The following TDRD9 variants were observed in gnomAD, a reference collection of about 807,000 sequenced individuals.
TDRD9 encodes ATP-dependent RNA helicase TDRD9.
TDRD9 carries 124 observed loss-of-function variants against 172.6 expected under a neutral mutation model. That is an observed-to-expected ratio of 0.72 (90% CI 0.62 to 0.83). The LOEUF is 0.83. Among genes scored for constraint, TDRD9 ranks in the 40% least tolerant of loss-of-function variants. The pLI, the probability that TDRD9 is intolerant of heterozygous loss-of-function variation, is 0.00. For missense variants in TDRD9, 1,479 were observed against 1,714.1 expected, an observed-to-expected ratio of 0.86 and a Z score of 2.42; for synonymous variants, 619 against 617.1, an observed-to-expected ratio of 1.00 and a Z score of -0.05.
At chr14:104,006,907 A>G in intron 18 of TDRD9, 62 bp downstream of exon 18, 1 of 1,395,738 alleles carries the variant, frequency 7.2e-7, no homozygotes, top group East Asian at 2.3e-5. Flanking sequence ...ACATTTTCAT[A>G]CCACAAACAT....
chr14:104,047,050 G>T (rs11160783), intron 34 of TDRD9, among the ~76,000 whole-genome samples: 1 of 151,992 alleles, frequency 6.6e-6, no homozygotes, highest in Non-Finnish European at 1.5e-5. Context: ...TGGAATTGTG[G>T]TAGGGATTGT....
chr14:104,008,513 T>C, intron 20 of TDRD9, 47 bp downstream of exon 20: 1 of 1,205,454 alleles, frequency 8.3e-7, no homozygotes, highest in Non-Finnish European at 1.2e-6. Flanking sequence ...AGTTGACTTA[T>C]GAAATATTTA....
chr14:103,985,062 T>A (rs955652367), intron 7 of TDRD9, among the ~76,000 whole-genome samples: 1 of 152,208 alleles, frequency 6.6e-6, no homozygotes, highest in Non-Finnish European at 1.5e-5. Context: ...ATTTACCCAA[T>A]ACCTGTACCC....
Position 104,036,851 on chromosome 14 carries a change from A to C in TDRD9, c.3716+1795A>C, listed in dbSNP as rs528952443. 7.3e-4 allele frequency among the ~76,000 whole-genome samples: 111 copies of C among 152,330 alleles called. 2 individuals are homozygous for C. In the South Asian group the frequency reaches 0.013, roughly 18 times the overall value. On this transcript the variant is annotated intron_variant, in intron 32 of 35. Transcript: ENST00000409874. ...TTTATGTGACAGTGTGCGTAAGACT[A>C]GTTGTCTTTGAATCCACAGGCTTAA...
chr14:104,035,081 G>A (rs982779197), intron 32 of TDRD9, 25 bp downstream of exon 32: 108 of 1,537,050 alleles, frequency 7.0e-5, no homozygotes, highest in Non-Finnish European at 9.2e-5. Context: ...CTTGTCTATA[G>A]GCTTTGTAAA....
At chr14:104,041,520 AACTC>A (rs1287499710) in intron 33 of TDRD9, among the ~76,000 whole-genome samples, 2 of 152,242 alleles carry the variant, frequency 1.3e-5, no homozygotes, top group Non-Finnish European at 2.9e-5. Context: ...GCACTCTTAA[AACTC>A]AATTATAAGA....
chr14:103,998,803 T>C (rs1367802934), intron 13 of TDRD9, 75 bp downstream of exon 13: 3 of 792,672 alleles, frequency 3.8e-6, no homozygotes, highest in East Asian at 2.5e-5. Context: ...TTTTTTTTTT[T>C]TTTCTCTGAG....
At chr14:104,019,056 T>C (rs1172534361) in intron 23 of TDRD9, among the ~76,000 whole-genome samples, 1 of 152,238 alleles carries the variant, frequency 6.6e-6, no homozygotes, top group East Asian at 1.9e-4. Flanking sequence ...GAGAATTAAT[T>C]AAACTTGTAG....
chr14:103,964,051 G>A (rs1482411225), intron 3 of TDRD9, among the ~76,000 whole-genome samples: 4 of 152,114 alleles, frequency 2.6e-5, no homozygotes, highest in African/African-American at 9.7e-5. Flanking sequence ...AGACCAGCCT[G>A]GGCAACATAG....
At chr14:103,985,491 A>G (rs1402046977) in intron 7 of TDRD9, among the ~76,000 whole-genome samples, 1 of 152,108 alleles carries the variant, frequency 6.6e-6, no homozygotes, top group African/African-American at 2.4e-5. Context: ...TCTTTTGTAA[A>G]TTGCCCAGTC....
intron 1 of TDRD9, chr14:103,941,384 A>G (rs1447271246): frequency 3.3e-6 from 5 of 1,519,700 alleles, no homozygotes; most frequent in African/African-American, 1.4e-5. Flanking sequence ...ATAAGAGAAC[A>G]TAGTATTTTT....
At chr14:103,975,589 G>A (rs1034142588) in intron 7 of TDRD9, 36 bp downstream of exon 7, 8 of 1,547,842 alleles carry the variant, frequency 5.2e-6, no homozygotes, top group East Asian at 4.7e-5. Context: ...TATAGTGAGC[G>A]TACTCTTGTA....
intron 35 of TDRD9, chr14:104,050,048 G>A (rs901822511): frequency 1.9e-4 from 34 of 181,700 alleles, no homozygotes; most frequent in African/African-American, 7.8e-4. Context: ...ACTGGTTGTT[G>A]TCTTTGTCTG....
At chr14:104,038,807 T>C (rs552212302) in intron 32 of TDRD9, among the ~76,000 whole-genome samples, 1 of 152,134 alleles carries the variant, frequency 6.6e-6, no homozygotes, top group Non-Finnish European at 1.5e-5. Flanking sequence ...GTAGCTGAGA[T>C]TACAGGTGTG....
Position 103,928,597 on chromosome 14 carries a change from CCCGCCT to C in TDRD9, c.89_94del (p.Pro30_Phe32delinsLeu), listed in dbSNP as rs2030131626. 1 of 1,347,284 alleles carries C rather than the reference CCCGCCT, an allele frequency of 7.4e-7. No homozygotes were observed. The highest frequency in any genetic ancestry group is 1.7e-5 in the South Asian group (1 of 60,190). 83.5% of individuals were successfully genotyped at this position (1,347,284 alleles called of 1,614,324 possible). ...CAATGTGGAGCTGCTGGGCGCGCCGCCCGCCTTCCCGGCAGGGGCGGCCAGGGAGGA... is the reference window on the plus strand; with the variant it reads ...CAATGTGGAGCTGCTGGGCGCGCCGCTCCCGGCAGGGGCGGCCAGGGAGGA... On this transcript the variant is annotated inframe_deletion, in exon 1 of 36. Coordinates refer to ENST00000409874, the MANE Select transcript of TDRD9 (RefSeq NM_153046.3).
rs781393058 is a variant in TDRD9 at position 104,026,954 on chromosome 14, C to T, written c.3282+15C>T. 13 of 1,609,782 alleles carry T rather than the reference C, an allele frequency of 8.1e-6. No individual in the cohort carries two copies. Among genetic ancestry groups the T allele is most frequent in the Middle Eastern group, 1.7e-4 (1 of 6,028 alleles). On this transcript the variant is annotated intron_variant, in intron 28 of 35. Transcript: ENST00000409874. ...ACGAGTCCAAGGTGTGTGCTTTCGCCGTTGCTGGAGCACGCGTTTGTGTGA... is the reference window on the plus strand; with the variant it reads ...ACGAGTCCAAGGTGTGTGCTTTCGCTGTTGCTGGAGCACGCGTTTGTGTGA...
intron 1 of TDRD9, among the ~76,000 whole-genome samples, chr14:103,940,055 A>G (rs1338228410): frequency 6.6e-6 from 1 of 152,194 alleles, no homozygotes; most frequent in African/African-American, 2.4e-5. Context: ...TGACTAATGT[A>G]TAATTTCCTA....
Position 104,041,103 on chromosome 14 carries a change from A to G in TDRD9, c.3855+769A>G, listed in dbSNP as rs2140917047. ...GGTGAGGTTAACATAACCACACTGAAGGGCCGGGGGAAAGGAGGAGCTGCA... is the reference window on the plus strand; with the variant it reads ...GGTGAGGTTAACATAACCACACTGAGGGGCCGGGGGAAAGGAGGAGCTGCA... On this transcript the variant is annotated intron_variant, in intron 33 of 35. Transcript: ENST00000409874. 1.3e-5 allele frequency among the ~76,000 whole-genome samples: 2 copies of G among 152,272 alleles called. 1 individual carries two copies. The highest frequency in any genetic ancestry group is 4.2e-4 in the South Asian group (2 of 4,818).
intron 1 of TDRD9, among the ~76,000 whole-genome samples, chr14:103,934,346 A>G (rs969506714): frequency 1.3e-5 from 2 of 152,206 alleles, no homozygotes; most frequent in Non-Finnish European, 2.9e-5. Context: ...TGGTCGTTTA[A>G]CAGATTTCAT....
Sources: gnomAD v4.1 joint callset for allele counts (sites outside exome capture counted in the v4.1 genomes callset) on GRCh38, gnomAD v4.1.1 for gene constraint, MANE v1.5 for transcripts, NCBI Gene and HGNC (gene_info 2026-07-23, HGNC 2026-07-21) for gene names.